The following CNTN4 variants were observed in gnomAD, a reference collection of about 807,000 sequenced individuals.
The protein encoded by CNTN4 is contactin-4.
A neutral mutation model predicts 122.5 loss-of-function variants in CNTN4; 77 were observed. The observed-to-expected ratio is 0.63, with a 90% CI of 0.52 to 0.76. The LOEUF (loss-of-function observed/expected upper bound fraction) is 0.76, where lower values mean the gene tolerates loss of function less well. Ranked by LOEUF, CNTN4 falls within the 30% of genes least tolerant of loss-of-function variation. The pLI is 0.00. For synonymous variants in CNTN4, 512 were observed against 447.0 expected (o/e 1.15, Z -1.83); for missense variants, 1,256 against 1,259.1 (o/e 1.00, Z 0.04).
chr3:2,766,127 A>C (rs1166219200), intron 6 of CNTN4, among the ~76,000 whole-genome samples: 5 of 152,322 alleles, frequency 3.3e-5, no homozygotes, highest in African/African-American at 1.2e-4. Context: ...GGTTTGGTTC[A>C]AAATTTAAAT....
intron 3 of CNTN4, among the ~76,000 whole-genome samples, chr3:2,508,377 G>C (rs1284072790): frequency 1.3e-5 from 2 of 152,188 alleles, no homozygotes; most frequent in Non-Finnish European, 2.9e-5. Context: ...ACACTTTCAA[G>C]AAGAAGCAAT....
At chr3:2,471,754 G>C (rs946620373) in intron 3 of CNTN4, among the ~76,000 whole-genome samples, 1 of 152,150 alleles carries the variant, frequency 6.6e-6, no homozygotes, top group Admixed American at 6.5e-5. Flanking sequence ...CTAAGCATCA[G>C]GTTATGGTGT....
chr3:2,533,567 G>A (rs546037976), intron 3 of CNTN4, among the ~76,000 whole-genome samples: 1 of 152,050 alleles, frequency 6.6e-6, no homozygotes, highest in Non-Finnish European at 1.5e-5. Context: ...CCAAGTCTTT[G>A]CTATTGTGAA....
chr3:2,672,765 T>C (rs980230087), intron 4 of CNTN4, among the ~76,000 whole-genome samples: 1 of 152,204 alleles, frequency 6.6e-6, no homozygotes, highest in African/African-American at 2.4e-5. Context: ...CAACTTTCCA[T>C]TGCTCAAGGC....
At chr3:2,527,409 A>ATGCTGCTGCTGCTGCTGC (rs34099392) in intron 3 of CNTN4, among the ~76,000 whole-genome samples, 2,121 of 147,658 alleles carry the variant, frequency 0.014, no homozygotes, top group African/African-American at 0.021. Context: ...GGAACAATGT[A>ATGCTGCTGCTGCTGCTGC]TGCTGCTGCT....
intron 13 of CNTN4, among the ~76,000 whole-genome samples, chr3:2,977,258 G>A (rs538681356): frequency 3.9e-5 from 6 of 152,270 alleles, no homozygotes; most frequent in African/African-American, 1.2e-4. Context: ...TGCCATTTTG[G>A]TGTAGATCCT....
chr3:2,598,055 A>C (rs866234900), intron 4 of CNTN4, among the ~76,000 whole-genome samples: 8 of 152,176 alleles, frequency 5.3e-5, no homozygotes, highest in African/African-American at 7.2e-5. Context: ...TCTTTTTTGC[A>C]GCCTTCCCTT....
chr3:3,032,418 T>C (rs768531934), intron 16 of CNTN4, among the ~76,000 whole-genome samples: 2 of 152,242 alleles, frequency 1.3e-5, no homozygotes, highest in Admixed American at 6.5e-5. Flanking sequence ...TAACATTAAA[T>C]ACCAGGAGGA....
At chr3:2,936,952 A>G (rs553683884) in intron 13 of CNTN4, among the ~76,000 whole-genome samples, 1 of 152,316 alleles carries the variant, frequency 6.6e-6, no homozygotes, top group Admixed American at 6.5e-5. Flanking sequence ...CTGCAAGGGC[A>G]AGATTGACTA....
intron 6 of CNTN4, among the ~76,000 whole-genome samples, chr3:2,781,160 G>A (rs763634374): frequency 5.7e-4 from 87 of 152,084 alleles, no homozygotes; most frequent in Non-Finnish European, 1.0e-3. Flanking sequence ...CCTAAACGAG[G>A]AATAAAGATG....
intron 2 of CNTN4, among the ~76,000 whole-genome samples, chr3:2,288,397 C>G (rs2042016775): frequency 6.6e-6 from 1 of 152,090 alleles, no homozygotes; most frequent in African/African-American, 2.4e-5. Context: ...TTTTTAACAA[C>G]CATCTCTTGC....
chr3:2,472,200 C>A (rs1383348072), intron 3 of CNTN4, among the ~76,000 whole-genome samples: 1 of 149,560 alleles, frequency 6.7e-6, no homozygotes, highest in Non-Finnish European at 1.5e-5. Flanking sequence ...CCTGATAAAT[C>A]AAAGACAAGT....
chr3:2,202,261 C>G (rs376026884), intron 2 of CNTN4, among the ~76,000 whole-genome samples: 1 of 152,116 alleles, frequency 6.6e-6, no homozygotes, highest in East Asian at 1.9e-4. Flanking sequence ...TCAAGGTTCC[C>G]TATCTTTAAG....
chr3:2,413,507 G>A (rs910351037), intron 3 of CNTN4, among the ~76,000 whole-genome samples: 2 of 151,880 alleles, frequency 1.3e-5, no homozygotes. Context: ...ATTTTTCATA[G>A]TATTTTTCTA....
intron 13 of CNTN4, among the ~76,000 whole-genome samples, chr3:2,967,042 G>A (rs890770956): frequency 6.6e-6 from 1 of 152,248 alleles, no homozygotes; most frequent in African/African-American, 2.4e-5. Context: ...CTCAGAGCTG[G>A]CTATGTAGGA....
intron 3 of CNTN4, among the ~76,000 whole-genome samples, chr3:2,348,807 G>C (rs2044500477): frequency 6.6e-6 from 1 of 152,034 alleles, no homozygotes; most frequent in Non-Finnish European, 1.5e-5. Flanking sequence ...CTAATACGAA[G>C]AAAAACAAGA....
chr3:2,136,364 C>T (rs1452747381), intron 2 of CNTN4, among the ~76,000 whole-genome samples: 1 of 152,142 alleles, frequency 6.6e-6, no homozygotes, highest in Admixed American at 6.5e-5. Flanking sequence ...GTTTCTTTCA[C>T]TAATGACTGA....
intron 3 of CNTN4, among the ~76,000 whole-genome samples, chr3:2,448,996 T>A (rs1015485985): frequency 1.3e-5 from 2 of 152,184 alleles, no homozygotes; most frequent in Non-Finnish European, 2.9e-5. Flanking sequence ...AACTTTTTTT[T>A]ATTATTACAC....
chr3:2,649,249 T>G (rs2083261714), intron 4 of CNTN4, among the ~76,000 whole-genome samples: 1 of 152,224 alleles, frequency 6.6e-6, no homozygotes, highest in South Asian at 2.1e-4. Context: ...TAAATGTAGA[T>G]AAACAGCCTT....
Sources: gnomAD v4.1 joint callset for allele counts (sites outside exome capture counted in the v4.1 genomes callset) on GRCh38, gnomAD v4.1.1 for gene constraint, MANE v1.5 for transcripts, NCBI Gene and HGNC (gene_info 2026-07-23, HGNC 2026-07-21) for gene names.